Variants in NAALADL2 observed in about 807,000 individuals in gnomAD.
NAALADL2 encodes the protein inactive N-acetylated-alpha-linked acidic dipeptidase-like protein 2.
In NAALADL2, 76 loss-of-function variants were observed where a neutral mutation model predicts 87.2. The ratio of observed to expected loss-of-function variants is 0.87; its 90% CI spans 0.72 to 1.05. The LOEUF (loss-of-function observed/expected upper bound fraction) is 1.05, where lower values mean the gene tolerates loss of function less well. Ranked by LOEUF, NAALADL2 falls within the 50% of genes least tolerant of loss-of-function variation. The probability of loss-of-function intolerance (pLI) is 0.00; values close to 1 mark genes in which losing one functional copy is unlikely to be tolerated. For missense variants in NAALADL2, 1,089 were observed against 945.8 expected (o/e 1.15, Z -1.99); for synonymous variants, 354 against 331.0 (o/e 1.07, Z -0.75).
chr3:174,570,001 C>G (rs1014245003), intron 2 of NAALADL2, among the ~76,000 whole-genome samples: 1 of 152,118 alleles, frequency 6.6e-6, no homozygotes, highest in Non-Finnish European at 1.5e-5. Flanking sequence ...CAAACTTCCC[C>G]TAGTGCTATC....
intron 3 of NAALADL2, among the ~76,000 whole-genome samples, chr3:174,806,621 A>G (rs1012233896): frequency 2.6e-5 from 4 of 152,198 alleles, no homozygotes; most frequent in Non-Finnish European, 5.9e-5. Context: ...CAAAACAGAG[A>G]TTTGTCCAGA....
At chr3:174,778,942 T>A (rs1374863024) in intron 3 of NAALADL2, among the ~76,000 whole-genome samples, 1 of 152,200 alleles carries the variant, frequency 6.6e-6, no homozygotes, top group African/African-American at 2.4e-5. Context: ...TAAACATATG[T>A]GTGCATGTGT....
At chr3:175,259,481 A>G (rs1364680015) in intron 4 of NAALADL2, among the ~76,000 whole-genome samples, 1 of 152,174 alleles carries the variant, frequency 6.6e-6, no homozygotes, top group Non-Finnish European at 1.5e-5. Flanking sequence ...TTTCAGGAAA[A>G]ATGAACCTCT....
intron 9 of NAALADL2, among the ~76,000 whole-genome samples, chr3:175,501,845 C>T (rs1729591108): frequency 6.6e-6 from 1 of 151,988 alleles, no homozygotes; most frequent in Non-Finnish European, 1.5e-5. Flanking sequence ...GAGATGATTG[C>T]TGTGAACTGT....
chr3:174,761,737 G>A (rs1712990217), intron 3 of NAALADL2, among the ~76,000 whole-genome samples: 1 of 151,564 alleles, frequency 6.6e-6, no homozygotes, highest in Admixed American at 6.6e-5. Context: ...TTTAGCATTA[G>A]GTATATCTCC....
Position 175,214,380 on chromosome 3 carries a change from GA to G in NAALADL2, c.546-19548del, listed in dbSNP as rs373206367. On this transcript the variant is annotated intron_variant, in intron 2 of 13. Transcript: ENST00000454872. ...GTAAAAGCCTCTGTGTCTTTCAGAT[GA>G]AACACTCCTTCAGTAAAGGATGGAT... Among the ~76,000 whole-genome samples the G allele has an allele frequency of 3.9e-4, 59 of 152,246 alleles. 1 individual carries two copies. The East Asian group carries it at 8.9e-3, about 23-fold the overall frequency.
chr3:174,962,654 C>T (rs1742285699), intron 1 of NAALADL2, among the ~76,000 whole-genome samples: 2 of 151,900 alleles, frequency 1.3e-5, no homozygotes, highest in African/African-American at 2.4e-5. Flanking sequence ...AGAGAGATAA[C>T]TGCCTTCTGT....
intron 1 of NAALADL2, among the ~76,000 whole-genome samples, chr3:174,986,101 T>G (rs1055828613): frequency 6.6e-6 from 1 of 151,878 alleles, no homozygotes. Context: ...AATTATATGT[T>G]TGAAATCTTA....
chr3:175,707,744 T>A (rs1270205917), intron 11 of NAALADL2, among the ~76,000 whole-genome samples: 2 of 152,112 alleles, frequency 1.3e-5, no homozygotes, highest in African/African-American at 4.8e-5. Context: ...GAGTCTTCCC[T>A]GAAATACTAA....
At chr3:175,726,119 A>G (rs1455922453) in intron 11 of NAALADL2, among the ~76,000 whole-genome samples, 1 of 152,170 alleles carries the variant, frequency 6.6e-6, no homozygotes, top group African/African-American at 2.4e-5. Context: ...ACATGACTAT[A>G]TCACTGAAAA....
At chr3:175,564,053 A>G (rs1716715367) in intron 9 of NAALADL2, among the ~76,000 whole-genome samples, 1 of 152,136 alleles carries the variant, frequency 6.6e-6, no homozygotes, top group African/African-American at 2.4e-5. Flanking sequence ...CACTCTCAGC[A>G]TTTAACCTGC....
At position 175,092,564 on chromosome 3, in the gene NAALADL2, A is replaced by G. The variant is rs145527332; in HGVS notation, c.44-4226A>G. Among the ~76,000 whole-genome samples, 1,298 of 152,034 alleles carry G rather than the reference A, an allele frequency of 8.5e-3. 18 individuals are homozygous for G. The highest frequency in any genetic ancestry group is 0.03 in the African/African-American group (1,231 of 41,562). ...CATATTAAATTTTCATTTTATTTCC[A>G]TACTTATCTTTATTTCCATATAATT... On this transcript the variant is annotated intron_variant, in intron 1 of 13. Transcript: ENST00000454872.
chr3:175,346,994 A>AC (rs1763223279), intron 5 of NAALADL2, among the ~76,000 whole-genome samples: 1 of 120,232 alleles, frequency 8.3e-6, no homozygotes, highest in Non-Finnish European at 1.9e-5. Flanking sequence ...GACAAGTATT[A>AC]CTGTTAACAT....
At chr3:175,150,083 T>C (rs1163697356) in intron 2 of NAALADL2, among the ~76,000 whole-genome samples, 1 of 152,208 alleles carries the variant, frequency 6.6e-6, no homozygotes, top group Non-Finnish European at 1.5e-5. Context: ...CCTGGCAGCA[T>C]ATGTTTTCTC....
At chr3:174,738,348 A>G (rs534254657) in intron 3 of NAALADL2, among the ~76,000 whole-genome samples, 180 of 152,362 alleles carry the variant, frequency 1.2e-3, no homozygotes, top group African/African-American at 4.2e-3. Context: ...GAGCAGAGCC[A>G]GTATAACCAC....
chr3:175,388,371 G>A (rs1367221900), intron 5 of NAALADL2, among the ~76,000 whole-genome samples: 1 of 152,046 alleles, frequency 6.6e-6, no homozygotes, highest in Admixed American at 6.6e-5. Flanking sequence ...GGTGCCATGT[G>A]AAACTTAGTG....
At chr3:175,447,905 T>A (rs1284741906) in intron 6 of NAALADL2, among the ~76,000 whole-genome samples, 1 of 152,198 alleles carries the variant, frequency 6.6e-6, no homozygotes. Flanking sequence ...TTAAGCTACC[T>A]GTGGAGGGAT....
intron 5 of NAALADL2, among the ~76,000 whole-genome samples, chr3:175,412,076 C>T (rs1713628033): frequency 6.6e-6 from 1 of 152,174 alleles, no homozygotes; most frequent in Non-Finnish European, 1.5e-5. Context: ...GAGTCAGAAT[C>T]CTGATTCTGG....
At chr3:174,727,198 T>G (rs533131886) in intron 2 of NAALADL2, among the ~76,000 whole-genome samples, 8 of 151,076 alleles carry the variant, frequency 5.3e-5, no homozygotes, top group African/African-American at 1.5e-4. Context: ...GTTTTCTTGT[T>G]TTTTTTTCAA....
Sources: allele counts gnomAD v4.1 joint callset (sites outside exome capture counted in the v4.1 genomes callset), GRCh38; gene constraint gnomAD v4.1.1; transcripts MANE v1.5; gene names NCBI Gene and HGNC (gene_info 2026-07-23, HGNC 2026-07-21).